CSTPP1: variants seen among roughly 807,000 people sequenced by gnomAD.
CSTPP1 encodes the protein UPF0705 protein C11orf49.
At chr11:47,147,402 G>A in the CSTPP1 span, among the ~76,000 whole-genome samples, 194 of 152,310 alleles carry the variant, frequency 1.3e-3, no homozygotes, top group South Asian at 2.1e-3. Flanking sequence ...TGAGGGCAGA[G>A]GGAGGGAAAG....
the CSTPP1 span, among the ~76,000 whole-genome samples, chr11:47,000,744 A>C: frequency 6.6e-6 from 1 of 151,930 alleles, no homozygotes; most frequent in African/African-American, 2.4e-5. Context: ...TATCTTTATG[A>C]ACCTAGTGTT....
At chr11:47,155,065 C>G in the CSTPP1 span, 3 of 887,692 alleles carry the variant, frequency 3.4e-6, no homozygotes, top group Non-Finnish European at 5.6e-6. Flanking sequence ...CCAGGAACAG[C>G]TCTCTCTCTC....
chr11:47,111,353 T>TC, the CSTPP1 span, among the ~76,000 whole-genome samples: 401 of 152,268 alleles, frequency 2.6e-3, no homozygotes, highest in Admixed American at 7.6e-3. Flanking sequence ...AATTTGTTTT[T>TC]CCCCGCTACG....
chr11:47,095,855 G>T, the CSTPP1 span, among the ~76,000 whole-genome samples: 1,372 of 152,036 alleles, frequency 9.0e-3, 14 homozygotes, highest in Middle Eastern at 0.027. Flanking sequence ...TGCAAAACCT[G>T]ATTTTTTTTG....
the CSTPP1 span, among the ~76,000 whole-genome samples, chr11:47,116,675 G>GTTTTT: frequency 1.0e-3 from 86 of 83,928 alleles, 3 homozygotes; most frequent in Admixed American, 1.4e-3. Flanking sequence ...TGCTTGGTAG[G>GTTTTT]TTTTTTTTTT....
the CSTPP1 span, among the ~76,000 whole-genome samples, chr11:47,070,910 T>A: frequency 6.6e-6 from 1 of 152,168 alleles, no homozygotes; most frequent in Non-Finnish European, 1.5e-5. Context: ...GACTATACTC[T>A]GGCCACACAG....
the CSTPP1 span, among the ~76,000 whole-genome samples, chr11:47,097,061 C>G: frequency 1.4e-5 from 2 of 140,610 alleles, no homozygotes; most frequent in Middle Eastern, 4.5e-3. Flanking sequence ...GGGGGGTCAG[C>G]CCCCCCACCC....
chr11:47,096,086 C>T, the CSTPP1 span, among the ~76,000 whole-genome samples: 1 of 152,164 alleles, frequency 6.6e-6, no homozygotes, highest in African/African-American at 2.4e-5. Context: ...CCAAGGGATT[C>T]TGGTGAACAG....
chr11:47,078,423 C>T, the CSTPP1 span, among the ~76,000 whole-genome samples: 30 of 152,136 alleles, frequency 2.0e-4, no homozygotes, highest in African/African-American at 7.2e-4. Context: ...GAGGAGAAAG[C>T]GGTGTTAGTG....
the CSTPP1 span, among the ~76,000 whole-genome samples, chr11:46,957,419 G>T: frequency 6.6e-6 from 1 of 152,100 alleles, no homozygotes; most frequent in Admixed American, 6.5e-5. Flanking sequence ...GGAATCTTCT[G>T]TTTATGAAAA....
At chr11:47,042,869 G>A in the CSTPP1 span, among the ~76,000 whole-genome samples, 1 of 152,136 alleles carries the variant, frequency 6.6e-6, no homozygotes. Flanking sequence ...AAGCTTGGTA[G>A]GTCAAATGTT....
chr11:47,155,585 CTA>C, the CSTPP1 span: 2 of 399,410 alleles, frequency 5.0e-6, no homozygotes, highest in Non-Finnish European at 9.3e-6. Context: ...TGAAAACTTA[CTA>C]TGTCCCAGGC....
the CSTPP1 span, chr11:46,987,939 T>C: frequency 6.6e-6 from 1 of 152,222 alleles, no homozygotes; most frequent in South Asian, 2.1e-4. Flanking sequence ...GACATACAAA[T>C]GGCAAACAGG....
chr11:47,122,085 A>ATATAT, the CSTPP1 span, among the ~76,000 whole-genome samples: 6 of 82,288 alleles, frequency 7.3e-5, no homozygotes, highest in East Asian at 2.6e-4. Flanking sequence ...AAAAAAAAAA[A>ATATAT]AAAAAAATAT....
At chr11:46,954,751 C>T in the CSTPP1 span, among the ~76,000 whole-genome samples, 1 of 150,842 alleles carries the variant, frequency 6.6e-6, no homozygotes. Context: ...TACCCTACAC[C>T]ATAACCTTCT....
the CSTPP1 span, among the ~76,000 whole-genome samples, chr11:47,099,884 C>G: frequency 6.6e-6 from 1 of 152,204 alleles, no homozygotes; most frequent in Non-Finnish European, 1.5e-5. Flanking sequence ...TTTCTCCTCA[C>G]TGCCCTTTCC....
At chr11:46,978,287 G>A in the CSTPP1 span, among the ~76,000 whole-genome samples, 3 of 152,326 alleles carry the variant, frequency 2.0e-5, 1 homozygote, top group East Asian at 5.8e-4. Flanking sequence ...GATGTTTAGG[G>A]AGTTTGGGAA....
the CSTPP1 span, among the ~76,000 whole-genome samples, chr11:47,046,993 C>T: frequency 1.3e-5 from 2 of 151,762 alleles, no homozygotes; most frequent in African/African-American, 4.8e-5. Context: ...CTCCACCTCC[C>T]GGGTTCAAGC....
At chr11:47,035,212 C>T in the CSTPP1 span, among the ~76,000 whole-genome samples, 1 of 152,180 alleles carries the variant, frequency 6.6e-6, no homozygotes, top group African/African-American at 2.4e-5. Context: ...AAGGCCAAAC[C>T]ACAGCTGCAG....
Sources: gnomAD v4.1 joint callset for allele counts (sites outside exome capture counted in the v4.1 genomes callset) on GRCh38, gnomAD v4.1.1 for gene constraint, MANE v1.5 for transcripts, NCBI Gene and HGNC (gene_info 2026-07-23, HGNC 2026-07-21) for gene names.